The following ERBB4 variants were observed in gnomAD, a reference collection of about 807,000 sequenced individuals.
The protein encoded by ERBB4 is erb-b2 receptor tyrosine kinase 4, also known as receptor tyrosine-protein kinase erbB-4.
A neutral mutation model predicts 158.0 loss-of-function variants in ERBB4; 42 were observed. That is an observed-to-expected ratio of 0.27 (90% CI 0.21 to 0.34). ERBB4 has a LOEUF of 0.34. Among genes scored for constraint, ERBB4 ranks in the 10% least tolerant of loss-of-function variants. The pLI is 1.00. For synonymous variants in ERBB4, 583 were observed against 558.7 expected (o/e 1.04, Z -0.61); for missense variants, 1,333 against 1,624.1 (o/e 0.82, Z 3.08).
At chr2:212,074,468 G>A (rs946822641) in intron 2 of ERBB4, among the ~76,000 whole-genome samples, 1 of 151,830 alleles carries the variant, frequency 6.6e-6, no homozygotes, top group African/African-American at 2.4e-5. Flanking sequence ...TTTAATAGAA[G>A]ATCATAATGC....
At chr2:211,517,689 A>AG (rs2066074447) in intron 20 of ERBB4, among the ~76,000 whole-genome samples, 1 of 152,156 alleles carries the variant, frequency 6.6e-6, no homozygotes, top group South Asian at 2.1e-4. Flanking sequence ...ATTACAAGAA[A>AG]GCGAATCACT....
chr2:211,711,845 A>G (rs2073712657), intron 9 of ERBB4, among the ~76,000 whole-genome samples: 1 of 152,160 alleles, frequency 6.6e-6, no homozygotes, highest in African/African-American at 2.4e-5. Flanking sequence ...TTTTGACCTT[A>G]GTCACCAAAC....
intron 2 of ERBB4, among the ~76,000 whole-genome samples, chr2:212,105,514 T>C (rs1189402659): frequency 6.6e-6 from 1 of 152,212 alleles, no homozygotes; most frequent in Non-Finnish European, 1.5e-5. Flanking sequence ...TTCTTTGCAT[T>C]AATATTTTAT....
chr2:211,933,493 A>T (rs1329230579), intron 3 of ERBB4, among the ~76,000 whole-genome samples: 1 of 152,096 alleles, frequency 6.6e-6, no homozygotes, highest in African/African-American at 2.4e-5. Context: ...ATGACTTTAG[A>T]TTACAATTCG....
At chr2:211,925,731 T>C (rs994281318) in intron 3 of ERBB4, among the ~76,000 whole-genome samples, 2 of 152,178 alleles carry the variant, frequency 1.3e-5, no homozygotes, top group African/African-American at 4.8e-5. Context: ...ATATTTAGTA[T>C]TATCTAAGAT....
intron 19 of ERBB4, among the ~76,000 whole-genome samples, chr2:211,569,292 G>T (rs1203324795): frequency 6.6e-6 from 1 of 152,056 alleles, no homozygotes; most frequent in Non-Finnish European, 1.5e-5. Context: ...TTCCACTCCG[G>T]ATTACACTGA....
intron 2 of ERBB4, among the ~76,000 whole-genome samples, chr2:212,124,012 C>T (rs1300056560): frequency 6.6e-6 from 1 of 152,176 alleles, no homozygotes; most frequent in Non-Finnish European, 1.5e-5. Flanking sequence ...ACCACATCCC[C>T]ATCTCACTTT....
intron 16 of ERBB4, among the ~76,000 whole-genome samples, chr2:211,652,613 T>G (rs2071035838): frequency 6.6e-6 from 1 of 152,240 alleles, no homozygotes; most frequent in Admixed American, 6.5e-5. Context: ...GACCTGTTAC[T>G]TAATAACCAC....
chr2:211,447,227 G>A (rs2064132785), intron 20 of ERBB4, among the ~76,000 whole-genome samples: 1 of 144,326 alleles, frequency 6.9e-6, no homozygotes, highest in Non-Finnish European at 1.6e-5. Flanking sequence ...AACATCTAAT[G>A]CAAATTTAAT....
chr2:211,733,135 T>C (rs929119776), intron 5 of ERBB4, among the ~76,000 whole-genome samples: 1 of 152,212 alleles, frequency 6.6e-6, no homozygotes, highest in Non-Finnish European at 1.5e-5. Flanking sequence ...CCATTCCTTA[T>C]CACCACCTGC....
chr2:211,592,575 A>G (rs4673624), intron 19 of ERBB4, among the ~76,000 whole-genome samples: 117,077 of 152,112 alleles, frequency 0.77, 46,420 homozygotes, highest in East Asian at 0.89. Context: ...CTGAAAGACA[A>G]AGAGGATTTC....
At chr2:212,024,712 T>C (rs73988943) in intron 2 of ERBB4, among the ~76,000 whole-genome samples, 20,001 of 151,958 alleles carry the variant, frequency 0.13, 1,800 homozygotes, top group African/African-American at 0.25. Context: ...GGATAAATCA[T>C]GTGACATATT....
chr2:211,934,926 T>TA (rs34614862), intron 3 of ERBB4, among the ~76,000 whole-genome samples: 7,075 of 86,596 alleles, frequency 0.082, 956 homozygotes, highest in Admixed American at 0.11. Flanking sequence ...CTCATTCAGC[T>TA]AAAAAAAAAA....
At chr2:211,814,926 C>A (rs1266100928) in intron 3 of ERBB4, among the ~76,000 whole-genome samples, 1 of 152,266 alleles carries the variant, frequency 6.6e-6, no homozygotes, top group South Asian at 2.1e-4. Context: ...CATGAATACA[C>A]CATTACAAAC....
At chr2:211,731,792 G>A (rs1213743880) in intron 5 of ERBB4, among the ~76,000 whole-genome samples, 1 of 152,078 alleles carries the variant, frequency 6.6e-6, no homozygotes, top group East Asian at 1.9e-4. Context: ...TCCAAGAAGA[G>A]GCGTTACTTA....
intron 1 of ERBB4, among the ~76,000 whole-genome samples, chr2:212,224,121 A>G (rs939226): frequency 0.48 from 73,203 of 151,640 alleles, 18,073 homozygotes; most frequent in East Asian, 0.76. Flanking sequence ...TTCTCATACA[A>G]TTAAATGCAT....
rs1559293650 is a variant in ERBB4 at position 212,003,200 on chromosome 2, AG to A, written c.235-55585del. Among the ~76,000 whole-genome samples the A allele has an allele frequency of 1.4e-3, 83 of 58,626 alleles. 1 individual carries two copies. The highest frequency in any genetic ancestry group is 3.5e-3 in the African/African-American group (79 of 22,894). 38.5% of individuals were successfully genotyped at this position (58,626 alleles called of 152,430 possible). Reference sequence around the variant, plus strand: ...AAGAAAGAAAGAAAGAAAGAAAGAAAGAAAGACAGAAAGAAGGAAGGAAGGA... The same window carrying A: ...AAGAAAGAAAGAAAGAAAGAAAGAAAAAAGACAGAAAGAAGGAAGGAAGGA... On this transcript the variant is annotated intron_variant, in intron 2 of 27. Coordinates refer to ENST00000342788, the MANE Select transcript of ERBB4 (RefSeq NM_005235.3).
intron 3 of ERBB4, among the ~76,000 whole-genome samples, chr2:211,905,738 GTGTGTGTATA>G (rs1559633166): frequency 2.8e-5 from 3 of 108,224 alleles, no homozygotes; most frequent in Non-Finnish European, 3.8e-5. Flanking sequence ...GTGTGTGCAT[GTGTGTGTATA>G]TATATATATA....
chr2:211,515,912 A>ATATATTTT (rs35696520), intron 20 of ERBB4, among the ~76,000 whole-genome samples: 3 of 78,976 alleles, frequency 3.8e-5, no homozygotes, highest in African/African-American at 1.7e-4. Flanking sequence ...ATATATATAT[A>ATATATTTT]TTTTTTTTTT....
Sources: allele counts gnomAD v4.1 joint callset (sites outside exome capture counted in the v4.1 genomes callset), GRCh38; gene constraint gnomAD v4.1.1; transcripts MANE v1.5; gene names NCBI Gene and HGNC (gene_info 2026-07-23, HGNC 2026-07-21).